The following SAP130 variants were observed in gnomAD, a reference collection of about 807,000 sequenced individuals.
SAP130 encodes the protein Sin3A associated protein 130.
In SAP130, 16 loss-of-function variants were observed where a neutral mutation model predicts 103.2. The observed-to-expected ratio is 0.16, with a 90% CI of 0.10 to 0.24. The LOEUF is 0.24. Among genes scored for constraint, SAP130 ranks in the 10% least tolerant of loss-of-function variants. The probability of loss-of-function intolerance (pLI) is 1.00; values close to 1 mark genes in which losing one functional copy is unlikely to be tolerated. For synonymous variants in SAP130, 477 were observed against 497.0 expected (o/e 0.96, Z 0.53); for missense variants, 990 against 1,359.7 (o/e 0.73, Z 4.28).
intron 1 of SAP130, chr2:128,027,417 AC>A: frequency 9.0e-7 from 1 of 1,114,034 alleles, no homozygotes; most frequent in Non-Finnish European, 1.1e-6. Flanking sequence ...CCTCCCGCCG[AC>A]TGCCAGCCAA....
intron 15 of SAP130, among the ~76,000 whole-genome samples, chr2:127,969,866 AAG>A (rs1281763279): frequency 2.0e-5 from 3 of 151,226 alleles, no homozygotes; most frequent in African/African-American, 7.3e-5. Flanking sequence ...AGGCCAAGGC[AAG>A]AGGATCACTT....
At chr2:127,948,114 C>T (rs890197096) in intron 18 of SAP130, among the ~76,000 whole-genome samples, 2 of 151,846 alleles carry the variant, frequency 1.3e-5, no homozygotes, top group African/African-American at 4.8e-5. Flanking sequence ...CAGTCTTTTA[C>T]TGTCAATCTA....
At chr2:127,968,810 C>T (rs1037592796) in intron 15 of SAP130, among the ~76,000 whole-genome samples, 1 of 152,122 alleles carries the variant, frequency 6.6e-6, no homozygotes, top group Admixed American at 6.6e-5. Context: ...CTGTGCCCAG[C>T]CTGACAAGCA....
chr2:127,969,814 G>A (rs1466005985), intron 15 of SAP130, among the ~76,000 whole-genome samples: 1 of 152,174 alleles, frequency 6.6e-6, no homozygotes, highest in Non-Finnish European at 1.5e-5. Context: ...CTAGTCATGG[G>A]TCAGGTATGG....
rs541365076 is a variant in SAP130, at chr2:128,016,656, G to T, written c.349-109C>A. 1.5e-4 allele frequency: 184 copies of T among 1,204,826 alleles called. 1 individual carries two copies. In the African/African-American group the frequency reaches 2.5e-3, roughly 17 times the overall value. 74.6% of individuals were successfully genotyped at this position (1,204,826 alleles called of 1,614,324 possible). A position where few individuals can be genotyped will look rare whatever the true frequency, so the allele number is the denominator to read the frequency against. ...GAACCTGGAAAGTGCCAGGAAAGAT[G>T]CCGTAAGCTTTATACATTTTATCTA... On this transcript the variant is annotated intron_variant, in intron 3 of 20. Coordinates refer to ENST00000643581, the MANE Select transcript of SAP130 (RefSeq NM_001330301.2).
chr2:128,020,817 T>C (rs1193585323), intron 2 of SAP130, among the ~76,000 whole-genome samples: 1 of 151,876 alleles, frequency 6.6e-6, no homozygotes, highest in Admixed American at 6.6e-5. Flanking sequence ...TCCAACATGG[T>C]GAAACCCCGT....
rs963465368 is a variant in SAP130, at chr2:128,028,005, G to A, written c.-72C>T. On this transcript the variant is annotated 5_prime_UTR_variant, in exon 1 of 21. Transcript: ENST00000643581. ...CGCTCCCGCGCGCTCTCCGTCTGTG[G>A]GGCCGACGTCCCCAGGCTCCGGACC... 15 of 985,380 alleles carry A rather than the reference G, an allele frequency of 1.5e-5. No individual in the cohort carries two copies. Among genetic ancestry groups the A allele is most frequent in the African/African-American group, 5.2e-5 (3 of 57,218 alleles). 61.0% of individuals were successfully genotyped at this position (985,380 alleles called of 1,614,324 possible). A position where few individuals can be genotyped will look rare whatever the true frequency, so the allele number is the denominator to read the frequency against.
chr2:128,023,442 C>A (rs570893010), intron 2 of SAP130, among the ~76,000 whole-genome samples: 2 of 152,252 alleles, frequency 1.3e-5, no homozygotes, highest in African/African-American at 4.8e-5. Context: ...CTGCACACAG[C>A]CTTTATTCCC....
At chr2:128,004,235 C>T (rs1387219034) in intron 7 of SAP130, among the ~76,000 whole-genome samples, 1 of 151,752 alleles carries the variant, frequency 6.6e-6, no homozygotes, top group Non-Finnish European at 1.5e-5. Flanking sequence ...AAGAGAAATA[C>T]AGTATCCTCC....
At chr2:127,970,899 T>C (rs2104872451) in intron 15 of SAP130, among the ~76,000 whole-genome samples, 1 of 152,220 alleles carries the variant, frequency 6.6e-6, no homozygotes, top group East Asian at 1.9e-4. Context: ...ATATGACGCA[T>C]GCTTGGTCTT....
intron 15 of SAP130, among the ~76,000 whole-genome samples, chr2:127,967,876 T>C (rs933115110): frequency 1.3e-5 from 2 of 152,176 alleles, no homozygotes; most frequent in African/African-American, 4.8e-5. Context: ...TTCTCCAGGA[T>C]AGACCATATG....
chr2:127,983,595 G>A (rs1682121831), intron 14 of SAP130, among the ~76,000 whole-genome samples: 1 of 152,130 alleles, frequency 6.6e-6, no homozygotes, highest in Admixed American at 6.5e-5. Context: ...CAAGGGCACT[G>A]GGGTGGAGGT....
intron 3 of SAP130, 89 bp downstream of exon 3, chr2:128,017,591 G>C: frequency 4.3e-6 from 5 of 1,151,478 alleles, no homozygotes; most frequent in South Asian, 2.8e-5. Flanking sequence ...GTGATCCTAA[G>C]ATACAGCCTA....
intron 6 of SAP130, among the ~76,000 whole-genome samples, chr2:128,011,105 G>C (rs1684361634): frequency 6.6e-6 from 1 of 152,102 alleles, no homozygotes; most frequent in Non-Finnish European, 1.5e-5. Context: ...TCCTGGTGTA[G>C]ACATTTTACG....
intron 14 of SAP130, among the ~76,000 whole-genome samples, chr2:127,982,931 G>A (rs1682056385): frequency 6.6e-6 from 1 of 152,172 alleles, no homozygotes; most frequent in Non-Finnish European, 1.5e-5. Context: ...GAAAGAAGAT[G>A]GGCTAGGGGC....
intron 6 of SAP130, among the ~76,000 whole-genome samples, chr2:128,012,716 A>G (rs1193618367): frequency 1.3e-5 from 2 of 151,652 alleles, no homozygotes; most frequent in African/African-American, 4.9e-5. Context: ...ATCCAAATTA[A>G]AATCCCTCAA....
At chr2:127,987,765 A>T (rs1030428982) in intron 13 of SAP130, among the ~76,000 whole-genome samples, 1 of 152,168 alleles carries the variant, frequency 6.6e-6, no homozygotes, top group Non-Finnish European at 1.5e-5. Context: ...AGTTTTTGTA[A>T]AATACCAATC....
At chr2:128,027,622 G>A (rs1685618927) in intron 1 of SAP130, among the ~76,000 whole-genome samples, 1 of 146,334 alleles carries the variant, frequency 6.8e-6, no homozygotes, top group South Asian at 2.2e-4. Flanking sequence ...CCCTGGGCCG[G>A]CCGCCCGCCC....
chr2:127,979,138 G>A (rs1681682322), intron 14 of SAP130, among the ~76,000 whole-genome samples: 2 of 152,190 alleles, frequency 1.3e-5, no homozygotes, highest in African/African-American at 4.8e-5. Flanking sequence ...AACAGAAAGG[G>A]AAGGGAGATT....
Sources: gnomAD v4.1 joint callset for allele counts (sites outside exome capture counted in the v4.1 genomes callset) on GRCh38, gnomAD v4.1.1 for gene constraint, MANE v1.5 for transcripts, NCBI Gene and HGNC (gene_info 2026-07-23, HGNC 2026-07-21) for gene names.